Variants in LDLRAD3 observed in about 807,000 individuals in gnomAD.
LDLRAD3 encodes low-density lipoprotein receptor class A domain-containing protein 3.
LDLRAD3 carries 20 observed loss-of-function variants against 29.4 expected under a neutral mutation model. The observed-to-expected ratio is 0.68, with a 90% CI of 0.48 to 0.99. LDLRAD3 has a LOEUF of 0.99. LDLRAD3 is among the 50% of genes least tolerant of loss of function. The pLI is 0.00. For synonymous variants in LDLRAD3, 157 were observed against 192.7 expected (o/e 0.81, Z 1.53); for missense variants, 420 against 454.3 (o/e 0.92, Z 0.69).
At chr11:36,176,058 G>A (rs1180084873) in intron 4 of LDLRAD3, among the ~76,000 whole-genome samples, 1 of 152,078 alleles carries the variant, frequency 6.6e-6, no homozygotes, top group Non-Finnish European at 1.5e-5. Flanking sequence ...ATTATATAAT[G>A]TCCCTCTTTG....
intron 4 of LDLRAD3, among the ~76,000 whole-genome samples, chr11:36,129,401 A>G (rs1853891133): frequency 1.3e-5 from 2 of 152,178 alleles, no homozygotes; most frequent in Non-Finnish European, 1.5e-5. Context: ...CAGAGCCTTC[A>G]TCTCCAATAG....
rs528674677 is a variant in LDLRAD3, at chr11:36,231,540, C to A, written c.*2143C>A. 3.9e-5 allele frequency: 6 copies of A among 152,188 alleles called. 1 individual carries two copies. The South Asian group carries it at 1.2e-3, about 32-fold the overall frequency. The allele number at this position is 152,188 out of a possible 1,614,324, so 9.4% of individuals were successfully genotyped here. A position where few individuals can be genotyped will look rare whatever the true frequency, so the allele number is the denominator to read the frequency against. ...TGGAAGTTGTTTAGAGGAAAGAATTCTAATTTTAATTAATTGCGCAGTGAG... is the reference window on the plus strand; with the variant it reads ...TGGAAGTTGTTTAGAGGAAAGAATTATAATTTTAATTAATTGCGCAGTGAG... On this transcript the variant is annotated 3_prime_UTR_variant, in exon 6 of 6. Coordinates refer to ENST00000315571, the MANE Select transcript of LDLRAD3 (RefSeq NM_174902.4).
intron 2 of LDLRAD3, among the ~76,000 whole-genome samples, chr11:36,061,198 G>A (rs1290855834): frequency 1.3e-5 from 2 of 152,180 alleles, no homozygotes; most frequent in African/African-American, 4.8e-5. Context: ...TGATGCAGTG[G>A]TGCAATCTCG....
chr11:36,055,243 A>G (rs1029842913), intron 2 of LDLRAD3, among the ~76,000 whole-genome samples: 12 of 147,158 alleles, frequency 8.2e-5, no homozygotes, highest in South Asian at 2.2e-4. Flanking sequence ...CCTGACCCCA[A>G]TTCCTGCTTG....
Position 35,981,876 on chromosome 11 carries a change from A to G in LDLRAD3, c.46+37732A>G, listed in dbSNP as rs151100848. ...TTTTGTTGCATGTTAGAAAAGCTGT[A>G]TTTTCTGCTTTTGGTTCTTCCACTG... On this transcript the variant is annotated intron_variant, in intron 1 of 5. Coordinates refer to ENST00000315571, the MANE Select transcript of LDLRAD3 (RefSeq NM_174902.4). Among the ~76,000 whole-genome samples, 340 of 152,184 alleles carry G rather than the reference A, an allele frequency of 2.2e-3. 1 individual carries two copies. Among genetic ancestry groups the G allele is most frequent in the South Asian group, 4.2e-3 (20 of 4,818 alleles).
intron 4 of LDLRAD3, among the ~76,000 whole-genome samples, chr11:36,133,849 C>G (rs1177493998): frequency 6.6e-6 from 1 of 151,858 alleles, no homozygotes; most frequent in Non-Finnish European, 1.5e-5. Context: ...TTTTCTACAT[C>G]GAAGGATAAA....
chr11:36,081,815 T>C (rs764547263), intron 3 of LDLRAD3, 37 bp downstream of exon 3: 5 of 1,610,076 alleles, frequency 3.1e-6, no homozygotes, highest in Non-Finnish European at 4.2e-6. Context: ...GATCCCTTGT[T>C]CTTTCCCGCC....
At chr11:35,999,265 G>C (rs12274495) in intron 1 of LDLRAD3, among the ~76,000 whole-genome samples, 2,787 of 152,294 alleles carry the variant, frequency 0.018, 92 homozygotes, top group African/African-American at 0.063. Context: ...TGTTATAAAA[G>C]AGGTGCAGGA....
intron 4 of LDLRAD3, among the ~76,000 whole-genome samples, chr11:36,176,985 CT>C (rs1298794040): frequency 6.6e-6 from 1 of 152,088 alleles, no homozygotes; most frequent in African/African-American, 2.4e-5. Flanking sequence ...TAATCCCAAA[CT>C]TCTTGGGGGC....
At chr11:36,050,192 CTA>C (rs2133222495) in intron 2 of LDLRAD3, among the ~76,000 whole-genome samples, 1 of 152,298 alleles carries the variant, frequency 6.6e-6, no homozygotes, top group Non-Finnish European at 1.5e-5. Flanking sequence ...TTTCCATGAT[CTA>C]TGTTTTCCCT....
chr11:36,144,465 A>G (rs1363432262), intron 4 of LDLRAD3, among the ~76,000 whole-genome samples: 6 of 147,076 alleles, frequency 4.1e-5, no homozygotes, highest in Non-Finnish European at 6.0e-5. Flanking sequence ...CCCGGCCGCC[A>G]TCCCATCTAG....
At chr11:36,052,228 T>G (rs1231437446) in intron 2 of LDLRAD3, among the ~76,000 whole-genome samples, 1 of 152,220 alleles carries the variant, frequency 6.6e-6, no homozygotes, top group East Asian at 1.9e-4. Context: ...AAAAGCAAAC[T>G]GTTTTGAACA....
intron 2 of LDLRAD3, among the ~76,000 whole-genome samples, chr11:36,056,592 A>G (rs1852624711): frequency 6.6e-6 from 1 of 152,186 alleles, no homozygotes; most frequent in Non-Finnish European, 1.5e-5. Flanking sequence ...TTCAGGATTC[A>G]CTTGGAGCTC....
chr11:36,033,219 G>A (rs749416993), intron 1 of LDLRAD3, among the ~76,000 whole-genome samples: 1 of 152,150 alleles, frequency 6.6e-6, no homozygotes, highest in Non-Finnish European at 1.5e-5. Flanking sequence ...AAAGCACACG[G>A]CTGTGCACCA....
At chr11:36,199,585 A>ACACACGCACG (rs771281624) in intron 4 of LDLRAD3, among the ~76,000 whole-genome samples, 2,776 of 150,444 alleles carry the variant, frequency 0.018, 27 homozygotes, top group Admixed American at 0.027. Context: ...ACACACACAC[A>ACACACGCACG]CACGCACGCA....
chr11:36,217,167 T>C (rs1051617662), intron 4 of LDLRAD3, among the ~76,000 whole-genome samples: 2 of 152,246 alleles, frequency 1.3e-5, no homozygotes, highest in Non-Finnish European at 2.9e-5. Context: ...CATTTTCTTC[T>C]TGAAATGTTT....
intron 4 of LDLRAD3, among the ~76,000 whole-genome samples, chr11:36,160,052 G>A (rs561094409): frequency 7.2e-5 from 11 of 152,242 alleles, no homozygotes; most frequent in African/African-American, 1.2e-4. Context: ...TTATAAATCC[G>A]TGGCCTTACT....
intron 5 of LDLRAD3, 22 bp downstream of exon 5, chr11:36,227,452 T>A: frequency 3.3e-6 from 5 of 1,509,482 alleles, no homozygotes; most frequent in Non-Finnish European, 4.4e-6. Flanking sequence ...ATGGAAGAGA[T>A]TGAGGCGGGA....
chr11:35,968,129 C>T, intron 1 of LDLRAD3: 2 of 444,652 alleles, frequency 4.5e-6, no homozygotes, highest in South Asian at 1.7e-5. Flanking sequence ...CAGCAGGCAG[C>T]CCTTGTTCTT....
Sources: gnomAD v4.1 joint callset for allele counts (sites outside exome capture counted in the v4.1 genomes callset) on GRCh38, gnomAD v4.1.1 for gene constraint, MANE v1.5 for transcripts, NCBI Gene and HGNC (gene_info 2026-07-23, HGNC 2026-07-21) for gene names.